BOLL: variants seen among roughly 807,000 people sequenced by gnomAD.
The protein encoded by BOLL is boule RNA binding protein.
A neutral mutation model predicts 44.4 loss-of-function variants in BOLL; 23 were observed. The observed-to-expected ratio is 0.52, with a 90% CI of 0.37 to 0.73. The LOEUF is 0.73. Among genes scored for constraint, BOLL ranks in the 30% least tolerant of loss-of-function variants. BOLL has a pLI of 0.00. For synonymous variants in BOLL, 97 were observed against 110.8 expected (o/e 0.88, Z 0.78); for missense variants, 287 against 338.3 (o/e 0.85, Z 1.19).
intron 10 of BOLL, 29 bp downstream of exon 10, chr2:197,743,032 A>G (rs1360571555): frequency 6.7e-7 from 1 of 1,501,766 alleles, no homozygotes; most frequent in South Asian, 1.3e-5. Context: ...GAAGAAAAAC[A>G]AAGTAAAAAG....
chr2:197,739,100 C>T (rs1687626585), intron 10 of BOLL, among the ~76,000 whole-genome samples: 1 of 151,954 alleles, frequency 6.6e-6, no homozygotes, highest in South Asian at 2.1e-4. Context: ...GCCACTAAGT[C>T]ACCTAAAGAA....
intron 10 of BOLL, among the ~76,000 whole-genome samples, chr2:197,734,888 G>T (rs1482785391): frequency 6.6e-6 from 1 of 152,068 alleles, no homozygotes; most frequent in South Asian, 2.1e-4. Context: ...ACACCAACAT[G>T]GCACACGTAT....
chr2:197,755,571 G>A (rs1281237735), intron 9 of BOLL, among the ~76,000 whole-genome samples: 1 of 152,178 alleles, frequency 6.6e-6, no homozygotes. Context: ...CCATAAAAAG[G>A]AAAGAGATCA....
intron 9 of BOLL, among the ~76,000 whole-genome samples, chr2:197,743,885 A>C (rs1687872272): frequency 6.7e-6 from 1 of 148,464 alleles, no homozygotes; most frequent in South Asian, 2.2e-4. Flanking sequence ...ATCTCGGCTC[A>C]CTGCAAGTTC....
Position 197,730,331 on chromosome 2 carries a change from G to A in BOLL, c.829-1753C>T, listed in dbSNP as rs1185192557. Among the ~76,000 whole-genome samples, 22 of 131,466 alleles carry A rather than the reference G, an allele frequency of 1.7e-4. No homozygotes were observed. In the East Asian group the frequency reaches 4.2e-3, roughly 25 times the overall value. The allele number at this position is 131,466 out of a possible 152,430, so 86.2% of individuals were successfully genotyped here. ...GACTATGTGAAAAGACCAAATCTACGTCTGACTGGTGTACCTGAAAGTGAT... is the reference window on the plus strand; with the variant it reads ...GACTATGTGAAAAGACCAAATCTACATCTGACTGGTGTACCTGAAAGTGAT... On this transcript the variant is annotated intron_variant, in intron 10 of 10. Coordinates refer to ENST00000392296, the MANE Select transcript of BOLL (RefSeq NM_033030.6).
intron 1 of BOLL, chr2:197,784,730 C>A: frequency 1.0e-6 from 1 of 987,360 alleles, no homozygotes. Context: ...GCCAGGCCTA[C>A]AAAATATTTT....
At chr2:197,770,554 C>A (rs544219147) in intron 6 of BOLL, among the ~76,000 whole-genome samples, 2 of 152,256 alleles carry the variant, frequency 1.3e-5, no homozygotes, top group African/African-American at 4.8e-5. Flanking sequence ...TCAGAGTGAA[C>A]AGGCAACCTA....
upstream of BOLL, among the ~76,000 whole-genome samples, chr2:197,785,597 C>A (rs1002712085): frequency 6.6e-6 from 1 of 152,198 alleles, no homozygotes. This position sits in a 1 kb window ranked among gnomAD's most constrained non-coding sequence, Gnocchi z 6.7. Context: ...TCGCCTTGGG[C>A]GGCTGGGTCG....
intron 9 of BOLL, among the ~76,000 whole-genome samples, chr2:197,753,156 C>G (rs747085830): frequency 3.9e-5 from 6 of 152,192 alleles, no homozygotes; most frequent in African/African-American, 7.2e-5. Flanking sequence ...AATTAACTCA[C>G]GATGGATTAA....
At chr2:197,747,113 C>T in intron 9 of BOLL, among the ~76,000 whole-genome samples, 1 of 151,782 alleles carries the variant, frequency 6.6e-6, no homozygotes, top group Admixed American at 6.6e-5. Flanking sequence ...AATGTTCTCA[C>T]CACAAACAAA....
At chr2:197,729,730 C>T (rs1687057739) in intron 10 of BOLL, among the ~76,000 whole-genome samples, 1 of 152,138 alleles carries the variant, frequency 6.6e-6, no homozygotes, top group South Asian at 2.1e-4. Context: ...CAGGGTATTC[C>T]AACAGACCTG....
intron 10 of BOLL, among the ~76,000 whole-genome samples, chr2:197,737,753 C>T (rs780267204): frequency 1.6e-4 from 25 of 152,158 alleles, no homozygotes; most frequent in Non-Finnish European, 3.2e-4. Context: ...GGTAAGTGCA[C>T]GCTCTGGGCC....
intron 7 of BOLL, 58 bp from the exon 8 acceptor site, chr2:197,757,458 T>A: frequency 1.4e-6 from 2 of 1,479,858 alleles, no homozygotes; most frequent in Non-Finnish European, 1.9e-6. Context: ...GGGTTAAAAC[T>A]AGATATCTAC....
intron 10 of BOLL, among the ~76,000 whole-genome samples, chr2:197,729,157 A>C (rs566915974): frequency 1.3e-5 from 2 of 152,336 alleles, no homozygotes; most frequent in African/African-American, 4.8e-5. Flanking sequence ...GCATTGCCTC[A>C]CTTGGGAAGC....
rs1379242810 is a variant in BOLL, at chr2:197,727,654, G to A, written c.*901C>T. 1 of 152,258 alleles carries A rather than the reference G, an allele frequency of 6.6e-6. No individual in the cohort carries two copies. Among genetic ancestry groups the A allele is most frequent in the Non-Finnish European group, 1.5e-5 (1 of 68,028 alleles). The allele number at this position is 152,258 out of a possible 1,614,324, so 9.4% of individuals were successfully genotyped here. On this transcript the variant is annotated 3_prime_UTR_variant, in exon 11 of 11. Transcript: ENST00000392296. ...ACATATATAATTGAATATATTGGTT[G>A]CATATCAGAAGAAAAGGTTTAAGGA...
At chr2:197,779,199 G>A (rs1041355375) in intron 2 of BOLL, 133 bp from the exon 3 acceptor site, 2 of 612,048 alleles carry the variant, frequency 3.3e-6, no homozygotes, top group Non-Finnish European at 5.6e-6. Flanking sequence ...TCAAAACAGT[G>A]CATAAACCAC....
intron 7 of BOLL, among the ~76,000 whole-genome samples, chr2:197,765,667 T>C (rs990501406): frequency 5.9e-5 from 9 of 152,070 alleles, no homozygotes; most frequent in African/African-American, 1.7e-4. Context: ...TTTTTTATTT[T>C]TTATTTTCTA....
intron 10 of BOLL, among the ~76,000 whole-genome samples, chr2:197,730,843 C>A (rs1277260199): frequency 1.3e-5 from 2 of 152,016 alleles, no homozygotes. Flanking sequence ...CAACCGGTAC[C>A]AGCCGCTGCA....
rs997925180 is a variant in BOLL, at chr2:197,737,186, T to C, written c.828+5875A>G. On this transcript the variant is annotated intron_variant, in intron 10 of 10. Transcript: ENST00000392296. Reference sequence around the variant, plus strand: ...TATTTAATTTCCTCTAATACATACGTTCTTATACATATATACATATTTATA... The same window carrying C: ...TATTTAATTTCCTCTAATACATACGCTCTTATACATATATACATATTTATA... 2.6e-5 allele frequency among the ~76,000 whole-genome samples: 4 copies of C among 152,270 alleles called. No homozygotes were observed. The East Asian group carries it at 5.8e-4, about 22-fold the overall frequency.
Sources: allele counts gnomAD v4.1 joint callset (sites outside exome capture counted in the v4.1 genomes callset), GRCh38; gene constraint gnomAD v4.1.1; non-coding constraint Gnocchi (gnomAD v3.1); transcripts MANE v1.5; gene names NCBI Gene and HGNC (gene_info 2026-07-23, HGNC 2026-07-21).